Variants in CCDC141 observed in about 807,000 individuals in gnomAD.
The protein encoded by CCDC141 is coiled-coil domain-containing protein 141.
A neutral mutation model predicts 181.0 loss-of-function variants in CCDC141; 168 were observed. The ratio of observed to expected loss-of-function variants is 0.93; its 90% CI spans 0.82 to 1.05. The LOEUF is 1.05. CCDC141 is among the 50% of genes least tolerant of loss of function. The pLI, the probability that CCDC141 is intolerant of heterozygous loss-of-function variation, is 0.00. For missense variants in CCDC141, 1,902 were observed against 1,788.5 expected, an observed-to-expected ratio of 1.06 and a Z score of -1.14; for synonymous variants, 666 against 642.3, an observed-to-expected ratio of 1.04 and a Z score of -0.56.
At chr2:178,884,880 G>T in intron 11 of CCDC141, 21 bp downstream of exon 11, 8 of 1,542,898 alleles carry the variant, frequency 5.2e-6, no homozygotes, top group Non-Finnish European at 7.0e-6. Context: ...TGCTGAAGAA[G>T]GTTAACACAT....
intron 20 of CCDC141, 60 bp downstream of exon 20, chr2:178,853,381 T>G: frequency 6.8e-7 from 1 of 1,477,356 alleles, no homozygotes; most frequent in Non-Finnish European, 9.4e-7. Context: ...GTCTACTGGA[T>G]TAGGCTCAGT....
At chr2:179,007,385 A>T (rs953372041) in intron 2 of CCDC141, among the ~76,000 whole-genome samples, 2 of 152,194 alleles carry the variant, frequency 1.3e-5, no homozygotes, top group Non-Finnish European at 2.9e-5. Flanking sequence ...CTTAATAAAC[A>T]TGTGAAGTAA....
chr2:179,015,065 G>GATATATAT (rs1326648706), intron 2 of CCDC141, among the ~76,000 whole-genome samples: 472 of 10,892 alleles, frequency 0.043, 43 homozygotes, highest in African/African-American at 0.09. Context: ...GAGAGAGACA[G>GATATATAT]AGATATATAT....
In CCDC141 at chr2:178,830,041, C is replaced by A. The variant is rs950456595; in HGVS notation, c.*4132G>T. ...TCTGTTCACAGCCCAGACTACTGAG[C>A]CCCAGCTACAATTAAATATTGATCA... On this transcript the variant is annotated 3_prime_UTR_variant, in exon 24 of 24. Transcript: ENST00000443758. The A allele has an allele frequency of 6.6e-6, 1 of 152,178 alleles. No individual in the cohort carries two copies. Among genetic ancestry groups the A allele is most frequent in the African/African-American group, 2.4e-5 (1 of 41,440 alleles). The allele number at this position is 152,178 out of a possible 1,614,324, so 9.4% of individuals were successfully genotyped here.
intron 2 of CCDC141, among the ~76,000 whole-genome samples, chr2:179,028,704 A>T (rs1399951542): frequency 6.6e-6 from 1 of 152,180 alleles, no homozygotes; most frequent in African/African-American, 2.4e-5. Context: ...TATTCTTTAT[A>T]ATTCATTACT....
the CCDC141 span, among the ~76,000 whole-genome samples, chr2:178,824,275 T>G: frequency 2.6e-5 from 4 of 152,292 alleles, no homozygotes; most frequent in Admixed American, 2.6e-4. Flanking sequence ...GCTAACTGAT[T>G]TAATTTTTGC....
At chr2:178,931,613 A>G (rs1689104843) in intron 6 of CCDC141, among the ~76,000 whole-genome samples, 1 of 152,158 alleles carries the variant, frequency 6.6e-6, no homozygotes, top group Admixed American at 6.5e-5. Context: ...CAGAATAGGT[A>G]AATACATGGA....
At position 178,837,143 on chromosome 2, in the gene CCDC141, T is replaced by TG. The variant is rs767518306; in HGVS notation, c.4075dup (p.Gln1359ProfsTer3). On this transcript the variant is annotated frameshift_variant, in exon 23 of 24. Transcript: ENST00000443758. LOFTEE classifies it high-confidence loss of function. ...ATCAGAGGAAGCATGCAGCCTATCT[T>TG]GGGTTTTAGTGAAGTTATTATCAGC... 26 of 1,613,818 alleles carry TG rather than the reference T, an allele frequency of 1.6e-5. No individual in the cohort carries two copies. The highest frequency in any genetic ancestry group is 2.1e-5 in the Non-Finnish European group (25 of 1,179,942).
At chr2:179,015,760 T>C (rs1020096881) in intron 2 of CCDC141, among the ~76,000 whole-genome samples, 8 of 87,420 alleles carry the variant, frequency 9.2e-5, no homozygotes, top group Non-Finnish European at 2.3e-4. Context: ...ATATCTCATA[T>C]ATATCATATA....
In CCDC141 at chr2:178,834,561, A is replaced by T. The variant is rs1575110179; in HGVS notation, c.4326-121T>A. On this transcript the variant is annotated intron_variant, in intron 23 of 23. Transcript: ENST00000443758. ...CAATATTCTCTTAGGATTAGTAGGA[A>T]CCTTGTAGCCACAACAAATTCCAGT... 3.6e-6 allele frequency: 4 copies of T among 1,122,022 alleles called. No individual in the cohort carries two copies. In the African/African-American group the frequency reaches 6.3e-5, roughly 18 times the overall value. 69.5% of individuals were successfully genotyped at this position (1,122,022 alleles called of 1,614,324 possible).
At chr2:178,915,188 A>G (rs1472351052) in intron 7 of CCDC141, among the ~76,000 whole-genome samples, 1 of 152,048 alleles carries the variant, frequency 6.6e-6, no homozygotes, top group Non-Finnish European at 1.5e-5. Context: ...TGAAAAAAAA[A>G]GAAAGAAAGA....
At chr2:178,843,902 A>G (rs1226057568) in intron 22 of CCDC141, among the ~76,000 whole-genome samples, 1 of 152,228 alleles carries the variant, frequency 6.6e-6, no homozygotes, top group Non-Finnish European at 1.5e-5. Context: ...TTGCACCAGG[A>G]CATAACATGA....
At chr2:178,858,719 T>C (rs1300342727) in intron 17 of CCDC141, among the ~76,000 whole-genome samples, 1 of 151,992 alleles carries the variant, frequency 6.6e-6, no homozygotes, top group African/African-American at 2.4e-5. Context: ...AATAAACTTA[T>C]ATATTCTTCT....
At chr2:179,009,035 G>T (rs965100305) in intron 2 of CCDC141, among the ~76,000 whole-genome samples, 2 of 152,056 alleles carry the variant, frequency 1.3e-5, no homozygotes, top group Non-Finnish European at 2.9e-5. Context: ...TAGCACATGG[G>T]CCAACCATAC....
chr2:178,895,200 G>A (rs1687348013), intron 8 of CCDC141, among the ~76,000 whole-genome samples: 1 of 152,084 alleles, frequency 6.6e-6, no homozygotes, highest in African/African-American at 2.4e-5. Context: ...CATTTCCCTA[G>A]TTTCTGGAAA....
chr2:178,901,984 A>G (rs531425700), intron 8 of CCDC141, among the ~76,000 whole-genome samples: 6 of 152,304 alleles, frequency 3.9e-5, no homozygotes, highest in South Asian at 4.1e-4. Flanking sequence ...GAGCCAAATC[A>G]TGAGTGAACT....
intron 11 of CCDC141, among the ~76,000 whole-genome samples, chr2:178,881,294 C>G (rs906998424): frequency 6.6e-5 from 10 of 152,128 alleles, no homozygotes; most frequent in Non-Finnish European, 1.2e-4. Flanking sequence ...TATGCCAGTG[C>G]TCTTCTGGGG....
downstream of CCDC141, among the ~76,000 whole-genome samples, chr2:178,825,677 C>T (rs773070841): frequency 2.3e-5 from 3 of 132,058 alleles, no homozygotes; most frequent in Admixed American, 1.8e-4. Context: ...TGTGACATGT[C>T]GCAACTAGAT....
At chr2:179,016,840 G>A (rs564553185) in intron 2 of CCDC141, among the ~76,000 whole-genome samples, 30 of 152,200 alleles carry the variant, frequency 2.0e-4, no homozygotes, top group Admixed American at 1.6e-3. Context: ...AGTAGGCTGG[G>A]CTTTATGAAC....
Sources: gnomAD v4.1 joint callset for allele counts (sites outside exome capture counted in the v4.1 genomes callset) on GRCh38, gnomAD v4.1.1 for gene constraint, MANE v1.5 for transcripts, NCBI Gene and HGNC (gene_info 2026-07-23, HGNC 2026-07-21) for gene names.